The following KIF2A variants were observed in gnomAD, a reference collection of about 807,000 sequenced individuals.
KIF2A encodes kinesin family member 2A.
KIF2A carries 22 observed loss-of-function variants against 100.2 expected under a neutral mutation model. The ratio of observed to expected loss-of-function variants is 0.22; its 90% CI spans 0.16 to 0.31. KIF2A has a LOEUF of 0.31. KIF2A is among the 10% of genes least tolerant of loss of function. KIF2A has a pLI of 1.00. For missense variants in KIF2A, 495 were observed against 898.7 expected (o/e 0.55, Z 5.74); for synonymous variants, 268 against 285.9 (o/e 0.94, Z 0.63).
intron 4 of KIF2A, among the ~76,000 whole-genome samples, chr5:62,350,921 A>C (rs1747820686): frequency 6.6e-6 from 1 of 151,758 alleles, no homozygotes; most frequent in Non-Finnish European, 1.5e-5. Context: ...CCAAAAAAAA[A>C]AAAAGATTTT....
chr5:62,343,748 A>G (rs2078818312), intron 1 of KIF2A, among the ~76,000 whole-genome samples: 1 of 152,204 alleles, frequency 6.6e-6, no homozygotes, highest in Non-Finnish European at 1.5e-5. Context: ...TTGCACCAAG[A>G]TGATAGCAGT....
chr5:62,346,480 C>T (rs182279565), intron 1 of KIF2A, among the ~76,000 whole-genome samples: 20 of 151,322 alleles, frequency 1.3e-4, no homozygotes, highest in Admixed American at 1.1e-3. Context: ...TAGCTCATGC[C>T]GGTAATCCCA....
chr5:62,306,826 G>C, intron 1 of KIF2A: 1 of 425,690 alleles, frequency 2.3e-6, no homozygotes, highest in South Asian at 3.3e-5. Flanking sequence ...AGGGCCGCTC[G>C]CTCCTCCTCC....
chr5:62,325,566 G>C (rs1207809563), intron 1 of KIF2A, among the ~76,000 whole-genome samples: 1 of 152,130 alleles, frequency 6.6e-6, no homozygotes, highest in Non-Finnish European at 1.5e-5. Context: ...AATCATTTGA[G>C]AAATGTAAGT....
At chr5:62,349,331 T>A (rs1452871254) in intron 3 of KIF2A, among the ~76,000 whole-genome samples, 1 of 151,732 alleles carries the variant, frequency 6.6e-6, no homozygotes, top group Non-Finnish European at 1.5e-5. Context: ...AGTATTAAAA[T>A]AAATCAGTAT....
rs1232353083 is a variant in KIF2A, at chr5:62,358,281, C to T, written c.854C>T (p.Pro285Leu). 2 of 1,583,324 alleles carry T rather than the reference C, an allele frequency of 1.3e-6. No homozygotes were observed. The highest frequency in any genetic ancestry group is 1.7e-6 in the Non-Finnish European group (2 of 1,170,346). ...RFDYAFDDSA[P>L]NEMVYRFTAR... ...GATTATGCCTTTGATGACTCAGCTCCTAATGAAATGGTTTACAGGTAGGTA... is the reference window on the plus strand; with the variant it reads ...GATTATGCCTTTGATGACTCAGCTCTTAATGAAATGGTTTACAGGTAGGTA... The change falls in exon 9 of 21, where the codon CCT becomes CTT. Residue 285 changes from proline (P) to leucine (L), a missense_variant. By Grantham distance (98) the Pro-to-Leu change is moderately conservative. This residue lies in a region of KIF2A where 109 missense variants were observed against 244.2 expected (regional missense o/e 0.45). Coordinates refer to ENST00000407818, the MANE Select transcript of KIF2A (RefSeq NM_001098511.3).
intron 1 of KIF2A, among the ~76,000 whole-genome samples, chr5:62,321,721 G>A (rs1454983417): frequency 2.6e-5 from 4 of 151,878 alleles, no homozygotes; most frequent in South Asian, 2.1e-4. Context: ...CACCACATCC[G>A]GTCGATTTTT....
chr5:62,367,387 C>G (rs1269559203), intron 16 of KIF2A, among the ~76,000 whole-genome samples: 2 of 151,960 alleles, frequency 1.3e-5, no homozygotes, highest in South Asian at 4.2e-4. Context: ...CTGCCTCAGC[C>G]CCCTGGGTAG....
At chr5:62,384,072 A>G (rs1240513114) in intron 20 of KIF2A, among the ~76,000 whole-genome samples, 1 of 152,142 alleles carries the variant, frequency 6.6e-6, no homozygotes, top group Non-Finnish European at 1.5e-5. Context: ...TCCTGTCTCT[A>G]CTAAAAATAC....
At chr5:62,324,945 A>G (rs60468842) in intron 1 of KIF2A, among the ~76,000 whole-genome samples, 37,740 of 152,066 alleles carry the variant, frequency 0.25, 4,768 homozygotes, top group Middle Eastern at 0.32. Context: ...TTCACAAACT[A>G]TGCATATGAC....
At chr5:62,352,907 ATT>A (rs1747926186) in intron 5 of KIF2A, 197 bp downstream of exon 5, 1 of 460,196 alleles carries the variant, frequency 2.2e-6, no homozygotes, top group Admixed American at 4.2e-5. Context: ...TGGAGCAAAA[ATT>A]TTTTTGTGAA....
chr5:62,381,006 G>T, intron 19 of KIF2A, 112 bp from the exon 20 acceptor site: 1 of 771,556 alleles, frequency 1.3e-6, no homozygotes, highest in South Asian at 1.8e-5. Context: ...TATGTCTATT[G>T]ACATTTTAGA....
rs1021112705 is a variant in KIF2A at position 62,385,622 on chromosome 5, A to G, written c.*53A>G. On this transcript the variant is annotated 3_prime_UTR_variant, in exon 21 of 21. Coordinates refer to ENST00000407818, the MANE Select transcript of KIF2A (RefSeq NM_001098511.3). Reference sequence around the variant, plus strand: ...AGAACCCTCACTACTGTAACATACAACGGTTCAGCTGTAAGGGCCATTTGA... The same window carrying G: ...AGAACCCTCACTACTGTAACATACAGCGGTTCAGCTGTAAGGGCCATTTGA... 12 of 1,285,648 alleles carry G rather than the reference A, an allele frequency of 9.3e-6. 1 individual carries two copies. Among genetic ancestry groups the G allele is most frequent in the African/African-American group, 1.5e-5 (1 of 67,702 alleles). The allele number at this position is 1,285,648 out of a possible 1,614,324, so 79.6% of individuals were successfully genotyped here. A position where few individuals can be genotyped will look rare whatever the true frequency, so the allele number is the denominator to read the frequency against.
intron 1 of KIF2A, among the ~76,000 whole-genome samples, chr5:62,321,659 C>T (rs1746095662): frequency 6.6e-6 from 1 of 152,142 alleles, no homozygotes; most frequent in African/African-American, 2.4e-5. Flanking sequence ...GCCTCCTGGG[C>T]TCAACTGATC....
At chr5:62,311,465 C>T (rs923604837) in intron 1 of KIF2A, among the ~76,000 whole-genome samples, 3 of 152,152 alleles carry the variant, frequency 2.0e-5, no homozygotes, top group African/African-American at 7.2e-5. Flanking sequence ...TTCCTTTTAA[C>T]ATCTGAAATC....
At chr5:62,334,561 G>A (rs571254458) in intron 1 of KIF2A, among the ~76,000 whole-genome samples, 46 of 131,314 alleles carry the variant, frequency 3.5e-4, no homozygotes, top group African/African-American at 1.2e-3. Context: ...TCCTCCTCTC[G>A]TCCTCCACTT....
intron 1 of KIF2A, among the ~76,000 whole-genome samples, chr5:62,334,408 A>C (rs572343753): frequency 1.3e-5 from 2 of 150,886 alleles, no homozygotes; most frequent in East Asian, 3.9e-4. Context: ...GGGCATCCAC[A>C]GTCTCCCCTC....
intron 1 of KIF2A, among the ~76,000 whole-genome samples, chr5:62,336,801 C>T (rs953190172): frequency 1.3e-5 from 2 of 152,064 alleles, no homozygotes; most frequent in Non-Finnish European, 2.9e-5. Flanking sequence ...AAATTAAGTA[C>T]ATAATAACAC....
chr5:62,331,271 C>T (rs949862353), intron 1 of KIF2A, among the ~76,000 whole-genome samples: 3 of 152,114 alleles, frequency 2.0e-5, no homozygotes, highest in South Asian at 2.1e-4. Context: ...ATTAGCCAGG[C>T]GTGGTGGTGC....
Sources: allele counts gnomAD v4.1 joint callset (sites outside exome capture counted in the v4.1 genomes callset), GRCh38; gene constraint gnomAD v4.1.1; regional missense constraint gnomAD v4.1.1; transcripts MANE v1.5; gene names NCBI Gene and HGNC (gene_info 2026-07-23, HGNC 2026-07-21).